Variants in LRTM3 observed in about 807,000 individuals in gnomAD.
The protein encoded by LRTM3 is leucine rich repeat transmembrane protein 3, also known as leucine-rich repeat transmembrane protein 3.
the LRTM3 span, chr13:102,742,345 T>C: frequency 1.2e-5 from 18 of 1,548,284 alleles, no homozygotes; most frequent in Non-Finnish European, 1.4e-5. Flanking sequence ...CTTTATGTCT[T>C]ATGATTTTAG....
chr13:102,751,390 T>C, the LRTM3 span, among the ~76,000 whole-genome samples: 26 of 137,220 alleles, frequency 1.9e-4, no homozygotes, highest in Admixed American at 2.9e-4. Flanking sequence ...CACACACACA[T>C]ATCCTACTGG....
the LRTM3 span, chr13:102,731,449 A>T: frequency 6.4e-7 from 1 of 1,551,416 alleles, no homozygotes; most frequent in Non-Finnish European, 8.7e-7. Flanking sequence ...AATGACTAGT[A>T]AGCTTATTTT....
At chr13:102,732,874 G>C in the LRTM3 span, 3 of 1,551,318 alleles carry the variant, frequency 1.9e-6, no homozygotes, top group Non-Finnish European at 2.6e-6. Context: ...TGGTGTTTGC[G>C]TCTGTTTGAT....
At chr13:102,748,774 A>G in the LRTM3 span, 10 of 1,550,350 alleles carry the variant, frequency 6.5e-6, no homozygotes, top group South Asian at 1.2e-4. Context: ...CTAGTAAACA[A>G]GGTGCTTTTA....
the LRTM3 span, chr13:102,729,611 G>A: frequency 6.5e-7 from 1 of 1,545,564 alleles, no homozygotes; most frequent in Non-Finnish European, 8.7e-7. Context: ...AATGGTTTTG[G>A]GTATAACCTC....
chr13:102,742,794 A>C, the LRTM3 span: 2 of 1,550,492 alleles, frequency 1.3e-6, no homozygotes, highest in East Asian at 2.4e-5. Context: ...CTGCCAACAG[A>C]ATCTGGGACA....
chr13:102,735,398 A>C, the LRTM3 span: 3 of 1,551,274 alleles, frequency 1.9e-6, no homozygotes, highest in South Asian at 2.4e-5. Flanking sequence ...TGGGAGAGAC[A>C]CTTTTGCAAT....
the LRTM3 span, among the ~76,000 whole-genome samples, chr13:102,755,938 TATAC>T: frequency 2.9e-5 from 1 of 34,774 alleles, no homozygotes; most frequent in Admixed American, 3.1e-4. Context: ...TGTGTATATA[TATAC>T]ATATATATAT....
chr13:102,743,557 C>G, the LRTM3 span: 2 of 1,549,250 alleles, frequency 1.3e-6, no homozygotes, highest in Non-Finnish European at 1.7e-6. Flanking sequence ...TTTCTGATAA[C>G]TGTATTGTGT....
chr13:102,742,347 T>G, the LRTM3 span: 1 of 1,548,436 alleles, frequency 6.5e-7, no homozygotes, highest in Non-Finnish European at 8.7e-7. Flanking sequence ...TTATGTCTTA[T>G]GATTTTAGGA....
At chr13:102,740,233 A>G in the LRTM3 span, 3 of 1,549,304 alleles carry the variant, frequency 1.9e-6, no homozygotes, top group African/African-American at 1.4e-5. Flanking sequence ...GAAATAAGAG[A>G]CTTGCATATT....
At chr13:102,752,022 T>C in the LRTM3 span, among the ~76,000 whole-genome samples, 1 of 152,084 alleles carries the variant, frequency 6.6e-6, no homozygotes, top group Non-Finnish European at 1.5e-5. Flanking sequence ...ACCCTTGATA[T>C]CAACCAATGA....
the LRTM3 span, chr13:102,739,404 C>T: frequency 2.6e-4 from 408 of 1,550,408 alleles, no homozygotes; most frequent in African/African-American, 4.4e-3. Context: ...ACTCTTCTGG[C>T]ATTTGATGAT....
At chr13:102,743,935 T>A in the LRTM3 span, 1 of 1,550,610 alleles carries the variant, frequency 6.4e-7, no homozygotes, top group Non-Finnish European at 8.7e-7. Flanking sequence ...CATTTTCTTG[T>A]ACCTCTTCCT....
At chr13:102,738,494 T>A in the LRTM3 span, 1 of 1,550,896 alleles carries the variant, frequency 6.4e-7, no homozygotes, top group Non-Finnish European at 8.7e-7. Context: ...TTTCTCTTGC[T>A]CTTTAATGTC....
chr13:102,735,336 C>T, the LRTM3 span: 3 of 1,551,134 alleles, frequency 1.9e-6, no homozygotes, highest in Middle Eastern at 1.7e-4. Context: ...CCATGGGTTG[C>T]TTCTGGACAT....
the LRTM3 span, chr13:102,732,952 T>C: frequency 1.9e-6 from 3 of 1,551,430 alleles, no homozygotes; most frequent in East Asian, 2.4e-5. Flanking sequence ...TCGGAAGAAA[T>C]TCCAGAACAC....
chr13:102,737,132 A>C, the LRTM3 span: 1 of 1,551,130 alleles, frequency 6.4e-7, no homozygotes, highest in South Asian at 1.2e-5. Context: ...CTCTGCCTCA[A>C]AAATTGTGCC....
At chr13:102,732,725 G>A in the LRTM3 span, 1 of 1,551,108 alleles carries the variant, frequency 6.4e-7, no homozygotes, top group African/African-American at 1.4e-5. Flanking sequence ...CTCCAGATTG[G>A]CAGTCCTGGC....
Sources: allele counts gnomAD v4.1 joint callset (sites outside exome capture counted in the v4.1 genomes callset), GRCh38; gene constraint gnomAD v4.1.1; transcripts MANE v1.5; gene names NCBI Gene and HGNC (gene_info 2026-07-23, HGNC 2026-07-21).